Variants in DHX38 observed in about 807,000 individuals in gnomAD.
DHX38 encodes the protein pre-mRNA-splicing factor ATP-dependent RNA helicase PRP16.
Under a neutral mutation model 153.1 loss-of-function variants are expected in DHX38, and 100 were observed. The observed-to-expected ratio is 0.65, with a 90% confidence interval of 0.56 to 0.77. The LOEUF (loss-of-function observed/expected upper bound fraction) is 0.77. Among genes scored for constraint, DHX38 ranks in the 30% least tolerant of loss-of-function variants. DHX38 has a pLI of 0.00. For missense variants in DHX38, 1,440 were observed against 1,654.0 expected (o/e 0.87, Z 2.24); for synonymous variants, 650 against 631.7 (o/e 1.03, Z -0.43).
chr16:72,112,621 C>A lies in DHX38; in HGVS notation c.*124C>A. 1 of 1,043,160 alleles carries A rather than the reference C, an allele frequency of 9.6e-7. No individual in the cohort carries two copies. Among genetic ancestry groups the A allele is most frequent in the East Asian group, 2.5e-5 (1 of 39,222 alleles). 64.6% of individuals were successfully genotyped at this position (1,043,160 alleles called of 1,614,324 possible). A position where few individuals can be genotyped will look rare whatever the true frequency, so the allele number is the denominator to read the frequency against. On this transcript the variant is annotated 3_prime_UTR_variant, in exon 27 of 27. Transcript: ENST00000268482. ...TTTCATCTGTGCATATCACGGCCCCCCAGGGCAGTTCCTGCTGGACCAGAC... is the reference window on the plus strand; with the variant it reads ...TTTCATCTGTGCATATCACGGCCCCACAGGGCAGTTCCTGCTGGACCAGAC...
In DHX38 at chr16:72,107,478, C is replaced by T. The variant is rs1379276138; in HGVS notation, c.2739C>T (p.Asp913=). 1 of 1,614,076 alleles carries T rather than the reference C, an allele frequency of 6.2e-7. No individual in the cohort carries two copies. Among genetic ancestry groups the T allele is most frequent in the African/African-American group, 1.3e-5 (1 of 74,924 alleles). ...ACCTGCTGCAGTTCCACTTCATGGA[C>T]CCGCCCCCGGAGGACAACATGCTCA... ...VQDLLQFHFM[D]PPPEDNMLNS... is the part of the protein sequence containing the mutation. Residue 913 remains aspartate, a synonymous_variant, in exon 20 of 27, where the codon GAC becomes GAT. Transcript: ENST00000268482. This position sits in a 1 kb window ranked among gnomAD's most constrained non-coding sequence, Gnocchi z 5.3.
At chr16:72,094,938 A>G (rs968124638) in intron 1 of DHX38, among the ~76,000 whole-genome samples, 1 of 152,362 alleles carries the variant, frequency 6.6e-6, no homozygotes, top group East Asian at 1.9e-4. Flanking sequence ...ATTTCCTCAC[A>G]TGCGCACAGA....
At chr16:72,097,936 C>T (rs1046321974) in intron 4 of DHX38, among the ~76,000 whole-genome samples, 155 bp downstream of exon 4, 1 of 152,118 alleles carries the variant, frequency 6.6e-6, no homozygotes, top group Non-Finnish European at 1.5e-5. Context: ...CAGGTGGGCA[C>T]AGCTCTGCAC....
In DHX38 at chr16:72,108,254, C is replaced by A. The variant is rs904519773; in HGVS notation, c.2992C>A (p.Arg998=). The change falls in exon 22 of 27, where the codon CGG becomes AGG. Residue 998 remains arginine, a synonymous_variant. Coordinates refer to ENST00000268482, the MANE Select transcript of DHX38 (RefSeq NM_014003.4). ...TCGAGAGGAGGAGAGTGATCAAATC[C>A]GGGAGAAGTTCGCTGTTCCTGAGAG... ...KGREEESDQI[R]EKFAVPESDH... is the part of the protein sequence containing the mutation. 1 of 1,613,904 alleles carries A rather than the reference C, an allele frequency of 6.2e-7. No homozygotes were observed. Among genetic ancestry groups the A allele is most frequent in the African/African-American group, 1.3e-5 (1 of 74,926 alleles).
chr16:72,110,590 C>T (rs1597450090), intron 25 of DHX38, among the ~76,000 whole-genome samples: 3 of 152,334 alleles, frequency 2.0e-5, no homozygotes, highest in East Asian at 3.9e-4. Flanking sequence ...CATAATTCTC[C>T]CCATACCAGG....
In DHX38 at chr16:72,109,511, G is replaced by A; in HGVS notation, c.3477+1G>A. On this transcript the variant is annotated splice_donor_variant, in intron 25 of 26. Coordinates refer to ENST00000268482, the MANE Select transcript of DHX38 (RefSeq NM_014003.4). LOFTEE classifies it high-confidence loss of function. ...GAAACAGGCGGGCAAGTCACGGCAG[G>A]TGAGGATTCTGTGCTCTTCGCAGGG... The A allele has an allele frequency of 6.2e-7, 1 of 1,611,092 alleles. No individual in the cohort carries two copies. The highest frequency in any genetic ancestry group is 8.5e-7 in the Non-Finnish European group (1 of 1,178,850).
intron 7 of DHX38, 25 bp from the exon 8 acceptor site, chr16:72,099,707 C>T (rs1327057351): frequency 1.2e-6 from 2 of 1,613,300 alleles, no homozygotes; most frequent in Admixed American, 3.3e-5. Context: ...TCCCTCACTC[C>T]CTTGCTTTGC....
chr16:72,104,415 T>C lies in DHX38; in HGVS notation c.2011-71T>C. 6.3e-7 allele frequency: 1 copy of C among 1,590,292 alleles called. No individual in the cohort carries two copies. Among genetic ancestry groups the C allele is most frequent in the Non-Finnish European group, 8.5e-7 (1 of 1,170,562 alleles). On this transcript the variant is annotated intron_variant, in intron 14 of 26. Coordinates refer to ENST00000268482, the MANE Select transcript of DHX38 (RefSeq NM_014003.4). The surrounding 1 kb of genome is among the most constrained non-coding windows in gnomAD (Gnocchi z 4.5). The stretch of plus-strand genomic sequence containing the variant: ...TTGGCTTGTGTTTCCTCGGGGGTGG[T>C]GCTGATGGGACTGGGGGACAGGAGC...
At position 72,107,114 on chromosome 16, in the gene DHX38, C is replaced by T. The variant is rs2042188799; in HGVS notation, c.2601-226C>T. On this transcript the variant is annotated intron_variant, in intron 19 of 26. Coordinates refer to ENST00000268482, the MANE Select transcript of DHX38 (RefSeq NM_014003.4). This position sits in a 1 kb window ranked among gnomAD's most constrained non-coding sequence, Gnocchi z 5.3. ...AATCCGGGAGGCAGAGGTTGGGCAA[C>T]AGAGTGAGACTCTGTCTAAAAAAAA... 6.6e-6 allele frequency among the ~76,000 whole-genome samples: 1 copy of T among 151,822 alleles called. No individual in the cohort carries two copies. Among genetic ancestry groups the T allele is most frequent in the African/African-American group, 2.4e-5 (1 of 41,276 alleles).
In DHX38 at chr16:72,101,118, T is replaced by C. The variant is rs2042093922; in HGVS notation, c.1311T>C (p.Thr437=). ...CGGTGATTCCAGTGAAGGATGCTAC[T>C]TCTGACCTGGCCATCATTGCTCGGA... ...PEPVIPVKDA[T]SDLAIIARKG... The change falls in exon 10 of 27, where the codon ACT becomes ACC. Residue 437 remains threonine, a synonymous_variant. Transcript: ENST00000268482. 6.2e-7 allele frequency: 1 copy of C among 1,614,252 alleles called. No individual in the cohort carries two copies. Among genetic ancestry groups the C allele is most frequent in the African/African-American group, 1.3e-5 (1 of 75,050 alleles).
intron 4 of DHX38, 99 bp from the exon 5 acceptor site, chr16:72,098,538 GAAATAGTA>G (rs2144136756): frequency 1.4e-6 from 2 of 1,423,002 alleles, no homozygotes; most frequent in Non-Finnish European, 1.9e-6. Flanking sequence ...GCAAGGTTTA[GAAATAGTA>G]AAAGGAGTAA....
chr16:72,096,093 TAG>T, intron 1 of DHX38, 44 bp from the exon 2 acceptor site: 1 of 1,529,970 alleles, frequency 6.5e-7, no homozygotes, highest in Non-Finnish European at 8.8e-7. Context: ...TGGGATATAG[TAG>T]AGCTGAGCCT....
chr16:72,102,943 C>T (rs904731785), intron 11 of DHX38, 131 bp from the exon 12 acceptor site: 34 of 1,304,718 alleles, frequency 2.6e-5, no homozygotes, highest in Non-Finnish European at 3.6e-5. Flanking sequence ...TCTCAGATTC[C>T]CTGGCTGCTT....
intron 1 of DHX38, among the ~76,000 whole-genome samples, chr16:72,094,941 C>T (rs1263368949): frequency 6.6e-6 from 1 of 152,244 alleles, no homozygotes; most frequent in Admixed American, 6.5e-5. Flanking sequence ...TCCTCACATG[C>T]GCACAGATGT....
intron 9 of DHX38, 70 bp downstream of exon 9, chr16:72,100,667 A>C: frequency 6.4e-7 from 1 of 1,573,476 alleles, no homozygotes; most frequent in Non-Finnish European, 8.6e-7. Context: ...GCAGTGGCTC[A>C]TGCCTGTCAT....
chr16:72,105,889 G>C, intron 18 of DHX38, 116 bp from the exon 19 acceptor site: 2 of 933,408 alleles, frequency 2.1e-6, no homozygotes, highest in Non-Finnish European at 3.3e-6. Flanking sequence ...AACATTTCTA[G>C]AGCCTCCTGG....
At position 72,104,982 on chromosome 16, in the gene DHX38, C is replaced by T. The variant is rs771609018; in HGVS notation, c.2152-45C>T. ...GGGCTCCCAGGAGATGCCCGGCCTG[C>T]GCTTCTAGTACCTCCCTCTGACTGT... On this transcript the variant is annotated intron_variant, in intron 15 of 26. Coordinates refer to ENST00000268482, the MANE Select transcript of DHX38 (RefSeq NM_014003.4). This position sits in a 1 kb window ranked among gnomAD's most constrained non-coding sequence, Gnocchi z 4.5. The T allele has an allele frequency of 3.2e-5, 51 of 1,578,416 alleles. No individual in the cohort carries two copies. Among genetic ancestry groups the T allele is most frequent in the Non-Finnish European group, 3.9e-5 (45 of 1,154,640 alleles).
rs764908568 is a variant in DHX38, at chr16:72,108,345, G to T, written c.3083G>T (p.Cys1028Phe). The change falls in exon 22 of 27, where the codon TGT becomes TTT. Residue 1028 changes from cysteine (C) to phenylalanine (F), a missense_variant. Physicochemically the swap from Cys to Phe is radical, Grantham distance 205. This residue lies in a region of DHX38 where 543 missense variants were observed against 717.9 expected (regional missense o/e 0.76). Coordinates refer to ENST00000268482, the MANE Select transcript of DHX38 (RefSeq NM_014003.4). ...AACAATAATTACTCCACCATCTGGT[G>T]TAACGATCATTTCATCCATGCTAAG... is the stretch of plus-strand genomic sequence containing the variant. Reference protein sequence around the residue: ...WKNNNYSTIWCNDHFIHAKAM... With the variant: ...WKNNNYSTIWFNDHFIHAKAM... 1 of 1,614,170 alleles carries T rather than the reference G, an allele frequency of 6.2e-7. No homozygotes were observed. The highest frequency in any genetic ancestry group is 8.5e-7 in the Non-Finnish European group (1 of 1,180,038).
Position 72,104,671 on chromosome 16 carries a change from A to G in DHX38, c.2151+45A>G, listed in dbSNP as rs749759830. 2 of 1,611,828 alleles carry G rather than the reference A, an allele frequency of 1.2e-6. No homozygotes were observed. The highest frequency in any genetic ancestry group is 1.1e-5 in the South Asian group (1 of 91,018). Reference sequence around the variant, plus strand: ...ACGAACTGACCCTTCCATGCCACGCACTTCTCTGATGCGAAGCCGGCTGGA... The same window carrying G: ...ACGAACTGACCCTTCCATGCCACGCGCTTCTCTGATGCGAAGCCGGCTGGA... On this transcript the variant is annotated intron_variant, in intron 15 of 26. Coordinates refer to ENST00000268482, the MANE Select transcript of DHX38 (RefSeq NM_014003.4). This position sits in a 1 kb window ranked among gnomAD's most constrained non-coding sequence, Gnocchi z 4.5.
Sources: allele counts gnomAD v4.1 joint callset (sites outside exome capture counted in the v4.1 genomes callset), GRCh38; gene constraint gnomAD v4.1.1; regional missense constraint gnomAD v4.1.1; non-coding constraint Gnocchi (gnomAD v3.1); transcripts MANE v1.5; gene names NCBI Gene and HGNC (gene_info 2026-07-23, HGNC 2026-07-21).